The following FAM114A1 variants were observed in gnomAD, a reference collection of about 807,000 sequenced individuals.
The protein encoded by FAM114A1 is family with sequence similarity 114 member A1.
In FAM114A1, 62 loss-of-function variants were observed where a neutral mutation model predicts 64.3. That is an observed-to-expected ratio of 0.96 (90% CI 0.79 to 1.19). The LOEUF is 1.19. Ranked by LOEUF, FAM114A1 falls within the 50% of genes most tolerant of loss-of-function variation. The pLI is 0.00. For missense variants in FAM114A1, 645 were observed against 676.3 expected, an observed-to-expected ratio of 0.95 and a Z score of 0.51; for synonymous variants, 254 against 251.1, an observed-to-expected ratio of 1.01 and a Z score of -0.11.
chr4:38,922,899 G>A lies in FAM114A1; in HGVS notation c.1069+6G>A. 1 of 1,602,554 alleles carries A rather than the reference G, an allele frequency of 6.2e-7. No homozygotes were observed. The highest frequency in any genetic ancestry group is 8.5e-7 in the Non-Finnish European group (1 of 1,176,586). Reference sequence around the variant, plus strand: ...AGAAAATCAAGAAGAACAAGGTAAAGGAAAATAACTTAAATAGCAAGACAA... The same window carrying A: ...AGAAAATCAAGAAGAACAAGGTAAAAGAAAATAACTTAAATAGCAAGACAA... On this transcript the variant is annotated splice_donor_region_variant and intron_variant, in intron 9 of 14. Transcript: ENST00000358869.
intron 9 of FAM114A1, among the ~76,000 whole-genome samples, chr4:38,923,403 A>G (rs925383436): frequency 1.3e-5 from 2 of 151,824 alleles, no homozygotes; most frequent in African/African-American, 4.8e-5. Flanking sequence ...TTGTATTTTT[A>G]GTAGAGACGG....
At chr4:38,934,629 G>C (rs1464923998) in intron 12 of FAM114A1, among the ~76,000 whole-genome samples, 3 of 152,098 alleles carry the variant, frequency 2.0e-5, no homozygotes, top group African/African-American at 7.2e-5. Flanking sequence ...TACATTACTA[G>C]GTAATCAGAT....
At chr4:38,870,113 C>T (rs993978628) in intron 2 of FAM114A1, among the ~76,000 whole-genome samples, 3 of 152,198 alleles carry the variant, frequency 2.0e-5, no homozygotes, top group African/African-American at 7.2e-5. Context: ...CCAGAGGCCA[C>T]ATCCCTTGAC....
chr4:38,883,844 C>T lies in FAM114A1; in HGVS notation c.348+5418C>T, dbSNP rs185543075. 4.6e-5 allele frequency among the ~76,000 whole-genome samples: 7 copies of T among 152,302 alleles called. No individual in the cohort carries two copies. In the East Asian group the frequency reaches 1.4e-3, roughly 29 times the overall value. ...TTATTCTGTGTTCCCTGAACGGTGA[C>T]ACCCAGTTTTGGCTTGGACAACCAG... is the stretch of plus-strand genomic sequence containing the variant. On this transcript the variant is annotated intron_variant, in intron 3 of 14. Transcript: ENST00000358869.
rs370757427 is a variant in FAM114A1, at chr4:38,940,963, C to T, written c.1537-5C>T. 1.2e-6 allele frequency: 2 copies of T among 1,613,900 alleles called. No homozygotes were observed. Among genetic ancestry groups the T allele is most frequent in the African/African-American group, 1.3e-5 (1 of 74,892 alleles). The stretch of plus-strand genomic sequence containing the variant: ...TCTGTCAATTTCATACTTCTGATTC[C>T]ACAGAGCAACAAGAAGGCCGAGGTC... On this transcript the variant is annotated splice_polypyrimidine_tract_variant and splice_region_variant and intron_variant, in intron 13 of 14. Coordinates refer to ENST00000358869, the MANE Select transcript of FAM114A1 (RefSeq NM_138389.4).
chr4:38,891,689 T>C, intron 3 of FAM114A1, 54 bp from the exon 4 acceptor site: 2 of 1,458,554 alleles, frequency 1.4e-6, no homozygotes, highest in South Asian at 2.6e-5. Flanking sequence ...TAGGTGTTTT[T>C]CCATTCAGAG....
At chr4:38,939,303 A>G (rs571339883) in intron 13 of FAM114A1, among the ~76,000 whole-genome samples, 1 of 152,338 alleles carries the variant, frequency 6.6e-6, no homozygotes, top group Admixed American at 6.5e-5. Flanking sequence ...CACCACAACA[A>G]TACCTCTGAT....
chr4:38,934,008 A>T (rs1720877789), intron 12 of FAM114A1, among the ~76,000 whole-genome samples: 1 of 152,246 alleles, frequency 6.6e-6, no homozygotes, highest in Non-Finnish European at 1.5e-5. Flanking sequence ...AGGATATAAA[A>T]ATCAAAGTTA....
At chr4:38,876,797 T>A (rs417926) in intron 2 of FAM114A1, among the ~76,000 whole-genome samples, 6 of 152,178 alleles carry the variant, frequency 3.9e-5, no homozygotes, top group Non-Finnish European at 8.8e-5. Flanking sequence ...GGGAGAGTGG[T>A]TTCTTTTCCC....
At chr4:38,942,804 A>G (rs1299945983) in intron 14 of FAM114A1, among the ~76,000 whole-genome samples, 1 of 152,202 alleles carries the variant, frequency 6.6e-6, no homozygotes, top group Non-Finnish European at 1.5e-5. Flanking sequence ...GAGCTCCTTC[A>G]TACAGTGTTT....
rs1186670867 is a variant in FAM114A1, at chr4:38,876,165, TTTTC to T, written c.-8-1902_-8-1899del. 1.7e-3 allele frequency among the ~76,000 whole-genome samples: 194 copies of T among 115,628 alleles called. 2 individuals are homozygous for T. The highest frequency in any genetic ancestry group is 3.8e-3 in the Middle Eastern group (1 of 262). 75.9% of individuals were successfully genotyped at this position (115,628 alleles called of 152,430 possible). On this transcript the variant is annotated intron_variant, in intron 2 of 14. Transcript: ENST00000358869. Reference sequence around the variant, plus strand: ...TCAGGTATTTTCTAGACTTATTCTTTTTTCTTTTTTTTTTTTTTTTTTTTGAGAC... The same window carrying T: ...TCAGGTATTTTCTAGACTTATTCTTTTTTTTTTTTTTTTTTTTTTTGAGAC...
At chr4:38,910,447 A>C (rs1162184048) in intron 7 of FAM114A1, among the ~76,000 whole-genome samples, 1 of 152,214 alleles carries the variant, frequency 6.6e-6, no homozygotes, top group Non-Finnish European at 1.5e-5. Flanking sequence ...TTCTGAGCCC[A>C]CATCTTCTGG....
At chr4:38,885,938 TGA>T (rs1386972232) in intron 3 of FAM114A1, among the ~76,000 whole-genome samples, 1 of 151,842 alleles carries the variant, frequency 6.6e-6, no homozygotes, top group African/African-American at 2.4e-5. Flanking sequence ...GGAAAAAAAG[TGA>T]GAGTCAGAAG....
chr4:38,933,252 C>G (rs1720810914), intron 12 of FAM114A1, among the ~76,000 whole-genome samples: 1 of 152,172 alleles, frequency 6.6e-6, no homozygotes, highest in African/African-American at 2.4e-5. Flanking sequence ...GGAAAACACA[C>G]TAAATCATTG....
At chr4:38,924,464 C>T (rs1448589208) in intron 9 of FAM114A1, among the ~76,000 whole-genome samples, 1 of 152,194 alleles carries the variant, frequency 6.6e-6, no homozygotes, top group Non-Finnish European at 1.5e-5. Context: ...CACAAGAGCT[C>T]AAATGCTTGA....
intron 13 of FAM114A1, chr4:38,938,322 A>G (rs1579418924): frequency 3.3e-5 from 5 of 152,234 alleles, no homozygotes; most frequent in Admixed American, 3.3e-4. Flanking sequence ...GCTGTCACCC[A>G]AAAAGACACC....
Position 38,935,865 on chromosome 4 carries a change from G to A in FAM114A1, c.1536+75G>A, listed in dbSNP as rs562711038. On this transcript the variant is annotated intron_variant, in intron 13 of 14. Coordinates refer to ENST00000358869, the MANE Select transcript of FAM114A1 (RefSeq NM_138389.4). ...CTGTGAGGAAATGTGGAGATGCAGCGCCTTCTTTAGTAGCTCCATAAAACT... is the reference window on the plus strand; with the variant it reads ...CTGTGAGGAAATGTGGAGATGCAGCACCTTCTTTAGTAGCTCCATAAAACT... The A allele has an allele frequency of 1.3e-3, 1,377 of 1,038,786 alleles. 3 individuals are homozygous for A. The highest frequency in any genetic ancestry group is 1.9e-3 in the Non-Finnish European group (1,253 of 675,592). 64.3% of individuals were successfully genotyped at this position (1,038,786 alleles called of 1,614,324 possible). A position where few individuals can be genotyped will look rare whatever the true frequency, so the allele number is the denominator to read the frequency against.
At chr4:38,908,791 C>G in intron 7 of FAM114A1, 65 bp downstream of exon 7, 1 of 1,399,204 alleles carries the variant, frequency 7.1e-7, no homozygotes. Flanking sequence ...TTTTATTTAT[C>G]TTTTTGAATA....
intron 2 of FAM114A1, among the ~76,000 whole-genome samples, chr4:38,873,954 A>C (rs376418669): frequency 6.6e-5 from 10 of 152,288 alleles, no homozygotes; most frequent in African/African-American, 2.4e-4. Flanking sequence ...GCTGCAGTGA[A>C]CAGGGGAACC....
Sources: allele counts gnomAD v4.1 joint callset (sites outside exome capture counted in the v4.1 genomes callset), GRCh38; gene constraint gnomAD v4.1.1; transcripts MANE v1.5; gene names NCBI Gene and HGNC (gene_info 2026-07-23, HGNC 2026-07-21).